Variants in CSAD observed in about 807,000 individuals in gnomAD.
CSAD encodes the protein cysteine sulfinic acid decarboxylase.
In CSAD, 47 loss-of-function variants were observed where a neutral mutation model predicts 61.5. That is an observed-to-expected ratio of 0.76 (90% CI 0.60 to 0.97). CSAD has a LOEUF of 0.97. Ranked by LOEUF, CSAD falls within the 50% of genes least tolerant of loss-of-function variation. The pLI, the probability that CSAD is intolerant of heterozygous loss-of-function variation, is 0.00. For missense variants in CSAD, 611 were observed against 643.6 expected (o/e 0.95, Z 0.55); for synonymous variants, 245 against 252.7 (o/e 0.97, Z 0.29).
At chr12:53,166,235 CAGG>C (rs1939923833) in intron 10 of CSAD, 1 of 152,200 alleles carries the variant, frequency 6.6e-6, no homozygotes, top group Admixed American at 6.6e-5. Context: ...GAGGCTGAGG[CAGG>C]AGAACTGCTT....
At chr12:53,179,733 T>A in intron 1 of CSAD, 1 of 1,444,994 alleles carries the variant, frequency 6.9e-7, no homozygotes. Context: ...TTTCTTTTGG[T>A]ATCACCATTA....
At chr12:53,180,457 G>A (rs1045202701) in intron 1 of CSAD, 31 of 1,191,214 alleles carry the variant, frequency 2.6e-5, no homozygotes, top group Admixed American at 1.2e-4. Flanking sequence ...AAGGGCCGAG[G>A]GTCCTGCCCT....
intron 2 of CSAD, among the ~76,000 whole-genome samples, chr12:53,178,729 G>A (rs1410614145): frequency 6.6e-6 from 1 of 152,064 alleles, no homozygotes; most frequent in Non-Finnish European, 1.5e-5. Context: ...AGGTTGCAGT[G>A]AGCCAAGATT....
At chr12:53,181,132 C>T (rs1287178264), upstream of CSAD, 3 of 974,996 alleles carry the variant, frequency 3.1e-6, no homozygotes, top group Non-Finnish European at 3.7e-6. Flanking sequence ...GTTGGTGCAG[C>T]GGGTGCAGAG....
rs74667280 is a variant in CSAD, at chr12:53,171,459, C to T, written c.452-18G>A. 1,492 of 1,611,880 alleles carry T rather than the reference C, an allele frequency of 9.3e-4. 11 individuals are homozygous for T. The African/African-American group carries it at 0.018, about 19-fold the overall frequency. ...GGAGCCACCTGTCACAGGGAGGGGGCGGTGGCAAGAGGAAGGAGCAGTGGG... is the reference window on the plus strand; with the variant it reads ...GGAGCCACCTGTCACAGGGAGGGGGTGGTGGCAAGAGGAAGGAGCAGTGGG... On this transcript the variant is annotated intron_variant, in intron 7 of 16. Transcript: ENST00000444623.
intron 10 of CSAD, among the ~76,000 whole-genome samples, chr12:53,166,785 T>C (rs1939990927): frequency 6.6e-6 from 1 of 151,964 alleles, no homozygotes; most frequent in Admixed American, 6.6e-5. Context: ...GACAGAGTGA[T>C]ACTCTGTCTC....
chr12:53,173,712 G>A lies in CSAD; in HGVS notation c.-7+16C>T. ...ACTCTAGTGGCCATTTCCACCTAAGGCAGAGACAAGCTTACCTCTCTGCTC... is the reference window on the plus strand; with the variant it reads ...ACTCTAGTGGCCATTTCCACCTAAGACAGAGACAAGCTTACCTCTCTGCTC... On this transcript the variant is annotated intron_variant, in intron 3 of 16. Coordinates refer to ENST00000444623, the MANE Select transcript of CSAD (RefSeq NM_001244705.2). 6.3e-7 allele frequency: 1 copy of A among 1,588,866 alleles called. No homozygotes were observed. The highest frequency in any genetic ancestry group is 8.6e-7 in the Non-Finnish European group (1 of 1,157,570).
rs1323947149 is a variant in CSAD, at chr12:53,158,405, G to T, written c.*106C>A. The T allele has an allele frequency of 2.5e-6, 3 of 1,213,826 alleles. No homozygotes were observed. The highest frequency in any genetic ancestry group is 4.5e-5 in the Admixed American group (2 of 44,934). The allele number at this position is 1,213,826 out of a possible 1,614,324, so 75.2% of individuals were successfully genotyped here. ...CCCGCCTCGGCCTCCCAAAGTGCTG[G>T]GATTACAGGCGTGAGCCACTGCACC... On this transcript the variant is annotated 3_prime_UTR_variant, in exon 17 of 17. Transcript: ENST00000444623.
In CSAD at chr12:53,172,171, C is replaced by G. The variant is rs188124569; in HGVS notation, c.344+175G>C. The stretch of plus-strand genomic sequence containing the variant: ...AAAGAGAAAACAGGGGTCAGGAGGC[C>G]TGAGAAAGTTTGGAGAAAGTGGGTC... On this transcript the variant is annotated intron_variant, in intron 6 of 16. Transcript: ENST00000444623. Among the ~76,000 whole-genome samples the G allele has an allele frequency of 1.8e-4, 28 of 152,170 alleles. No homozygotes were observed. In the East Asian group the frequency reaches 5.4e-3, roughly 29 times the overall value.
intron 10 of CSAD, 70 bp from the exon 11 acceptor site, chr12:53,161,459 C>CCCA: frequency 3.1e-6 from 4 of 1,309,624 alleles, no homozygotes; most frequent in Non-Finnish European, 4.4e-6. Context: ...TGATGCTGGG[C>CCCA]CCAGCTCTAA....
At chr12:53,179,634 A>T (rs1177345479) in intron 1 of CSAD, 2 of 713,460 alleles carry the variant, frequency 2.8e-6, no homozygotes, top group Non-Finnish European at 4.7e-6. Context: ...CAATGGCCCA[A>T]ATCATGGAGT....
At chr12:53,169,235 T>G (rs1245361221) in intron 10 of CSAD, among the ~76,000 whole-genome samples, 1 of 151,208 alleles carries the variant, frequency 6.6e-6, no homozygotes, top group East Asian at 2.0e-4. Flanking sequence ...ATCCCAGCAC[T>G]TTGGGAGGCT....
At position 53,160,777 on chromosome 12, in the gene CSAD, G is replaced by C; in HGVS notation, c.952C>G (p.Leu318Val). The change falls in exon 13 of 17, where the codon CTC becomes GTC. Residue 318 changes from leucine (L) to valine (V), a missense_variant. Physicochemically the swap from Leu to Val is conservative, Grantham distance 32 (BLOSUM62 1). Transcript: ENST00000444623. ...GGCAGACCCACCGAGGTATCCTGGA[G>C]AAGAAGTGCAGAGCATTGCAGGCCT... Reference protein sequence around the residue: ...AAGLQCSALLLQDTSNLLKRC... With the variant: ...AAGLQCSALLVQDTSNLLKRC... The C allele has an allele frequency of 6.4e-7, 1 of 1,551,714 alleles. No homozygotes were observed. Among genetic ancestry groups the C allele is most frequent in the Non-Finnish European group, 8.7e-7 (1 of 1,146,982 alleles).
rs1460605422 is a variant in CSAD, at chr12:53,180,906, G to C, written c.-265C>G. ...GCAGCGCTTCAGTAGCTCGCAAGCCGTGGGGTGCCGCGCGGGAAGGGGGAG... is the reference window on the plus strand; with the variant it reads ...GCAGCGCTTCAGTAGCTCGCAAGCCCTGGGGTGCCGCGCGGGAAGGGGGAG... On this transcript the variant is annotated 5_prime_UTR_variant, in exon 1 of 17. Coordinates refer to ENST00000444623, the MANE Select transcript of CSAD (RefSeq NM_001244705.2). 8.9e-7 allele frequency: 1 copy of C among 1,127,104 alleles called. No individual in the cohort carries two copies. The highest frequency in any genetic ancestry group is 1.1e-6 in the Non-Finnish European group (1 of 902,760). The allele number at this position is 1,127,104 out of a possible 1,614,324, so 69.8% of individuals were successfully genotyped here.
At chr12:53,176,730 A>AT (rs933865484) in intron 2 of CSAD, among the ~76,000 whole-genome samples, 3 of 152,044 alleles carry the variant, frequency 2.0e-5, no homozygotes, top group African/African-American at 7.2e-5. Context: ...AAAAAAAAAA[A>AT]AATATTTATT....
In CSAD at chr12:53,180,243, G is replaced by A. The variant is rs1356050750; in HGVS notation, c.-91+489C>T. 4 of 985,284 alleles carry A rather than the reference G, an allele frequency of 4.1e-6. No homozygotes were observed. The African/African-American group carries it at 7.0e-5, about 17-fold the overall frequency. 61.0% of individuals were successfully genotyped at this position (985,284 alleles called of 1,614,324 possible). A position where few individuals can be genotyped will look rare whatever the true frequency, so the allele number is the denominator to read the frequency against. ...CAAAATCTGCTAATCTGGGCCTGAC[G>A]GAAAAAATTCGGAGAAGAACCACCT... On this transcript the variant is annotated intron_variant, in intron 1 of 16. Coordinates refer to ENST00000444623, the MANE Select transcript of CSAD (RefSeq NM_001244705.2).
At chr12:53,163,455 T>C (rs1335962816) in intron 10 of CSAD, among the ~76,000 whole-genome samples, 2 of 151,964 alleles carry the variant, frequency 1.3e-5, no homozygotes, top group African/African-American at 4.8e-5. Context: ...TAATGAAAAA[T>C]TGGTAACAGA....
At chr12:53,159,976 A>G in intron 14 of CSAD, 38 bp from the exon 15 acceptor site, 2 of 1,603,110 alleles carry the variant, frequency 1.2e-6, no homozygotes, top group Non-Finnish European at 1.7e-6. Context: ...GCGGGGAGGA[A>G]AAGCAGAGAT....
At chr12:53,162,429 A>G (rs1450837798) in intron 10 of CSAD, among the ~76,000 whole-genome samples, 2 of 151,396 alleles carry the variant, frequency 1.3e-5, no homozygotes, top group African/African-American at 4.9e-5. Context: ...TTAGCCAGGC[A>G]CAGTGGCAGG....
Sources: gnomAD v4.1 joint callset for allele counts (sites outside exome capture counted in the v4.1 genomes callset) on GRCh38, gnomAD v4.1.1 for gene constraint, MANE v1.5 for transcripts, NCBI Gene and HGNC (gene_info 2026-07-23, HGNC 2026-07-21) for gene names.